SCN1A: variants seen among roughly 807,000 people sequenced by gnomAD.
SCN1A encodes sodium channel protein type 1 subunit alpha.
In SCN1A, 13 loss-of-function variants were observed where a neutral mutation model predicts 193.7. The ratio of observed to expected loss-of-function variants is 0.07; its 90% CI spans 0.04 to 0.11. The LOEUF (loss-of-function observed/expected upper bound fraction) is 0.11. Among genes scored for constraint, SCN1A ranks in the 10% least tolerant of loss-of-function variants. The pLI is 1.00. For missense variants in SCN1A, 1,432 were observed against 2,451.1 expected (o/e 0.58, Z 8.78); for synonymous variants, 781 against 843.6 (o/e 0.93, Z 1.29).
At chr2:166,066,115 G>C (rs1018294178) in intron 4 of SCN1A, among the ~76,000 whole-genome samples, 1 of 152,092 alleles carries the variant, frequency 6.6e-6, no homozygotes, top group Non-Finnish European at 1.5e-5. Context: ...CTCTGCAGAA[G>C]GTGCCTCCCT....
chr2:166,045,170 C>T lies in SCN1A; in HGVS notation c.1535G>A (p.Gly512Glu). The T allele has an allele frequency of 6.2e-7, 1 of 1,614,082 alleles. No homozygotes were observed. The highest frequency in any genetic ancestry group is 8.5e-7 in the Non-Finnish European group (1 of 1,180,018). ...KKRKQKEQSGGEEKDEDEFQK... is the reference protein window; with the variant it reads ...KKRKQKEQSGEEEKDEDEFQK... ...GAATTCATCCTCATCTTTCTCTTCC[C>T]CACCAGACTGCTCTTTCTGTTTTCT... The change falls in exon 13 of 29, where the codon GGG becomes GAG. Residue 512 changes from glycine (G) to glutamate (E), a missense_variant. Around this residue, in one of 18 missense-constraint regions of SCN1A, gnomAD observed 316 missense variants for 362.1 expected, o/e 0.87. Coordinates refer to ENST00000674923, the MANE Select transcript of SCN1A (RefSeq NM_001165963.4).
rs913686961 is a variant in SCN1A at position 166,127,850 on chromosome 2, T to G, written c.-308A>C. ...GAGATGATAACAATGTGCCTTCAGT[T>G]GCAATTGTTCAGATTCCTTCTTGCA... On this transcript the variant is annotated 5_prime_UTR_variant, in exon 1 of 29. Coordinates refer to ENST00000674923, the MANE Select transcript of SCN1A (RefSeq NM_001165963.4). The G allele has an allele frequency of 6.6e-5, 10 of 152,128 alleles. No individual in the cohort carries two copies. Among genetic ancestry groups the G allele is most frequent in the Non-Finnish European group, 1.2e-4 (8 of 68,018 alleles). 9.4% of individuals were successfully genotyped at this position (152,128 alleles called of 1,614,324 possible).
At chr2:165,996,264 AATTGTACTCTTTAGGT>A (rs1690043299) in intron 26 of SCN1A, 147 bp from the exon 27 acceptor site, 1 of 566,998 alleles carries the variant, frequency 1.8e-6, no homozygotes. Context: ...ATGTAAAAAA[AATTGTACTCTTTAGGT>A]ATGATAATAT....
rs1683179128 is a variant in SCN1A at position 166,060,452 on chromosome 2, CAGAA to C, written c.265-1768_265-1765del. 5 of 152,268 alleles carry C rather than the reference CAGAA, an allele frequency of 3.3e-5. No homozygotes were observed. The South Asian group carries it at 1.0e-3, about 32-fold the overall frequency. 9.4% of individuals were successfully genotyped at this position (152,268 alleles called of 1,614,324 possible). ...GGGGGAATATGAGCATGTAACGACA[CAGAA>C]AGGCCCAAAGTGAGCTAGCTCAGGA... On this transcript the variant is annotated intron_variant, in intron 4 of 28. Coordinates refer to ENST00000674923, the MANE Select transcript of SCN1A (RefSeq NM_001165963.4).
chr2:165,994,105 CT>C, intron 28 of SCN1A, 40 bp downstream of exon 28: 3 of 1,481,616 alleles, frequency 2.0e-6, no homozygotes, highest in Non-Finnish European at 1.9e-6. Context: ...TCAGCTTTCA[CT>C]TTTATTTAAC....
intron 19 of SCN1A, among the ~76,000 whole-genome samples, chr2:166,029,094 G>A (rs943995503): frequency 2.0e-5 from 3 of 152,106 alleles, no homozygotes; most frequent in African/African-American, 7.2e-5. Context: ...GATTAGTATA[G>A]CTGGGTGGGG....
At chr2:166,098,837 A>C (rs1031666387) in intron 2 of SCN1A, among the ~76,000 whole-genome samples, 6 of 152,182 alleles carry the variant, frequency 3.9e-5, no homozygotes, top group Non-Finnish European at 7.4e-5. Context: ...AGAATTATGA[A>C]ACACTGATGA....
At chr2:165,997,426 A>G (rs1242757187) in intron 26 of SCN1A, among the ~76,000 whole-genome samples, 2 of 151,488 alleles carry the variant, frequency 1.3e-5, no homozygotes, top group African/African-American at 4.8e-5. Flanking sequence ...AAGTGATGAT[A>G]TTTATTTACT....
Position 166,036,146 on chromosome 2 carries a change from G to A in SCN1A, c.3331C>T (p.Leu1111Phe). Residue 1111 changes from leucine (L) to phenylalanine (F), a missense_variant, in exon 19 of 29, where the codon CTT becomes TTT. Physicochemically the swap from Leu to Phe is conservative, Grantham distance 22. Coordinates refer to ENST00000674923, the MANE Select transcript of SCN1A (RefSeq NM_001165963.4). Reference sequence around the variant, plus strand: ...ACAGCAATTGGTACAGTCACAGTAAGACTGGGGTTGTTTATGAATGACATG... The same window carrying A: ...ACAGCAATTGGTACAGTCACAGTAAAACTGGGGTTGTTTATGAATGACATG... Reference protein sequence around the residue: ...DYMSFINNPSLTVTVPIAVGE... With the variant: ...DYMSFINNPSFTVTVPIAVGE... 1.9e-6 allele frequency: 3 copies of A among 1,613,968 alleles called. No homozygotes were observed. Among genetic ancestry groups the A allele is most frequent in the Non-Finnish European group, 2.5e-6 (3 of 1,179,924 alleles).
intron 19 of SCN1A, among the ~76,000 whole-genome samples, chr2:166,021,393 A>C (rs1574093822): frequency 6.6e-6 from 1 of 152,302 alleles, no homozygotes; most frequent in Non-Finnish European, 1.5e-5. Flanking sequence ...AAATAAAATA[A>C]GTTCACAAGT....
At chr2:166,069,654 G>A (rs1684209777) in intron 4 of SCN1A, among the ~76,000 whole-genome samples, 1 of 152,154 alleles carries the variant, frequency 6.6e-6, no homozygotes, top group South Asian at 2.1e-4. Context: ...AATGGATTCT[G>A]CAAATATTTT....
At chr2:165,994,947 C>T (rs550812794) in intron 27 of SCN1A, among the ~76,000 whole-genome samples, 58 of 151,918 alleles carry the variant, frequency 3.8e-4, no homozygotes, top group Non-Finnish European at 7.8e-4. Flanking sequence ...TCATATTCTT[C>T]TACCAAATAG....
chr2:166,113,880 A>T (rs540160993), intron 2 of SCN1A, among the ~76,000 whole-genome samples: 1 of 152,312 alleles, frequency 6.6e-6, no homozygotes, highest in South Asian at 2.1e-4. Context: ...AAAAATTTTT[A>T]AAATTGATAA....
At position 166,056,414 on chromosome 2, in the gene SCN1A, A is replaced by G; in HGVS notation, c.470T>C (p.Val157Ala). The change falls in exon 6 of 29, where the codon GTA becomes GCA. Residue 157 changes from valine (V) to alanine (A), a missense_variant. Coordinates refer to ENST00000674923, the MANE Select transcript of SCN1A (RefSeq NM_001165963.4). The stretch of plus-strand genomic sequence containing the variant: ...TAAAAATATAAGTTGAACTTACTCT[A>G]CATTCTTTGTCCAATCAGGAGGGTT... ...MSNPPDWTKN[V>A]EYTFTGIYTF... 1 of 1,568,372 alleles carries G rather than the reference A, an allele frequency of 6.4e-7. No individual in the cohort carries two copies. Among genetic ancestry groups the G allele is most frequent in the Non-Finnish European group, 8.8e-7 (1 of 1,138,824 alleles).
At chr2:166,086,212 A>G (rs1455378299) in intron 2 of SCN1A, among the ~76,000 whole-genome samples, 1 of 152,030 alleles carries the variant, frequency 6.6e-6, no homozygotes, top group East Asian at 1.9e-4. Context: ...CCTAAGGGCT[A>G]AACAGAAATC....
Position 166,013,817 on chromosome 2 carries a change from C to G in SCN1A, c.3632G>C (p.Cys1211Ser). ...GKQWWNLRRT[C>S]FRIVEHNWFE... The stretch of plus-strand genomic sequence containing the variant: ...CCAGTTATGTTCAACTATTCGGAAA[C>G]ACGTCCTTCTCAGGTTCCACCATTG... Residue 1211 changes from cysteine (C) to serine (S), a missense_variant, in exon 21 of 29, where the codon TGT (cysteine) becomes TCT (serine). Cys to Ser is a moderately radical substitution (Grantham distance 112). Coordinates refer to ENST00000674923, the MANE Select transcript of SCN1A (RefSeq NM_001165963.4). 1 of 1,612,386 alleles carries G rather than the reference C, an allele frequency of 6.2e-7. No individual in the cohort carries two copies. Among genetic ancestry groups the G allele is most frequent in the Non-Finnish European group, 8.5e-7 (1 of 1,178,726 alleles).
chr2:166,141,030 T>C (rs1692059737), intron 1 of SCN1A, among the ~76,000 whole-genome samples: 1 of 152,166 alleles, frequency 6.6e-6, no homozygotes, highest in Non-Finnish European at 1.5e-5. Flanking sequence ...TGAGAAGCCC[T>C]GGCTGTCACA....
chr2:166,054,598 A>C (rs772913220), intron 7 of SCN1A, 40 bp downstream of exon 7: 2 of 1,609,222 alleles, frequency 1.2e-6, no homozygotes, highest in Non-Finnish European at 1.7e-6. Context: ...ATGGAAAACC[A>C]AACTATGTTC....
intron 2 of SCN1A, among the ~76,000 whole-genome samples, chr2:166,121,433 C>A (rs569355052): frequency 2.6e-5 from 4 of 152,094 alleles, no homozygotes; most frequent in Non-Finnish European, 5.9e-5. Context: ...CCTTTTCTGT[C>A]ACTTTCCTCA....
Sources: gnomAD v4.1 joint callset for allele counts (sites outside exome capture counted in the v4.1 genomes callset) on GRCh38, gnomAD v4.1.1 for gene constraint, gnomAD v4.1.1 regional missense constraint, MANE v1.5 for transcripts, NCBI Gene and HGNC (gene_info 2026-07-23, HGNC 2026-07-21) for gene names.